Variants in SCN4A observed in about 807,000 individuals in gnomAD.
SCN4A encodes sodium channel protein type 4 subunit alpha.
Under a neutral mutation model 162.0 loss-of-function variants are expected in SCN4A, and 83 were observed. The observed-to-expected ratio is 0.51, with a 90% CI of 0.43 to 0.61. The LOEUF is 0.61. SCN4A is among the 20% of genes least tolerant of loss of function. The pLI is 0.00. For synonymous variants in SCN4A, 944 were observed against 985.1 expected, an observed-to-expected ratio of 0.96 and a Z score of 0.78; for missense variants, 2,196 against 2,462.5, an observed-to-expected ratio of 0.89 and a Z score of 2.29.
chr17:63,968,067 G>A lies in SCN4A; in HGVS notation c.992C>T (p.Ala331Val), dbSNP rs368831487. 7.4e-6 allele frequency: 12 copies of A among 1,613,858 alleles called. No homozygotes were observed. Among genetic ancestry groups the A allele is most frequent in the Non-Finnish European group, 1.0e-5 (12 of 1,179,904 alleles). Residue 331 changes from alanine to valine, a missense_variant, in exon 6 of 24, where the codon GCC becomes GTC. Transcript: ENST00000435607. ...NDTWNSHASW[A>V]TNDTFDWDAY... is the part of the protein sequence containing the mutation. Reference sequence around the variant, plus strand: ...GTCCCAATCAAAGGTATCGTTGGTGGCCCAGCTTGCATGGCTGTTCCACGT... The same window carrying A: ...GTCCCAATCAAAGGTATCGTTGGTGACCCAGCTTGCATGGCTGTTCCACGT...
rs538941318 is a variant in SCN4A, at chr17:63,944,100, T to C, written c.3913-250A>G. ...TGGCTACTTTTCATCAACATCTCGC[T>C]GAGCCCTAGAGTAACCCACAAGGCA... On this transcript the variant is annotated intron_variant, in intron 21 of 23. Coordinates refer to ENST00000435607, the MANE Select transcript of SCN4A (RefSeq NM_000334.4). This position sits in a 1 kb window ranked among gnomAD's most constrained non-coding sequence, Gnocchi z 4.3. 6.6e-6 allele frequency among the ~76,000 whole-genome samples: 1 copy of C among 152,220 alleles called. No individual in the cohort carries two copies. The highest frequency in any genetic ancestry group is 2.1e-4 in the South Asian group (1 of 4,826).
At chr17:63,960,666 A>G (rs1368848342) in intron 11 of SCN4A, among the ~76,000 whole-genome samples, 1 of 152,136 alleles carries the variant, frequency 6.6e-6, no homozygotes, top group Admixed American at 6.5e-5. Context: ...GGTGTCAACA[A>G]TAGTGGAGCA....
At chr17:63,959,823 A>G (rs1446903887) in intron 11 of SCN4A, among the ~76,000 whole-genome samples, 2 of 152,184 alleles carry the variant, frequency 1.3e-5, no homozygotes, top group Non-Finnish European at 2.9e-5. Context: ...TCTCACATGC[A>G]TTCCACACAT....
intron 6 of SCN4A, 28 bp downstream of exon 6, chr17:63,967,990 ATCCCC>A: frequency 6.4e-7 from 1 of 1,567,050 alleles, no homozygotes; most frequent in Non-Finnish European, 8.8e-7. Flanking sequence ...CTGGGACAGG[ATCCCC>A]CTTGCCCGTC....
At position 63,951,732 on chromosome 17, in the gene SCN4A, G is replaced by A. The variant is rs1370036925; in HGVS notation, c.2545C>T (p.Leu849=). Residue 849 remains leucine, a synonymous_variant, in exon 14 of 24, where the codon CTG becomes TTG. Transcript: ENST00000435607. The surrounding 1 kb of genome is among the most constrained non-coding windows in gnomAD (Gnocchi z 4.5). ...CTGAGCATGATGTCCTTGGGGCTCA[G>A]GATCTTGCCATGCAGCAGCCCCAGG... The part of the protein sequence containing the change: ...FLLGLLHGKI[L]SPKDIMLSLG... The A allele has an allele frequency of 6.3e-7, 1 of 1,592,078 alleles. No homozygotes were observed. The highest frequency in any genetic ancestry group is 8.6e-7 in the Non-Finnish European group (1 of 1,169,144).
At position 63,951,210 on chromosome 17, in the gene SCN4A, TA is replaced by T. The variant is rs1471136854; in HGVS notation, c.2853+213del. Among the ~76,000 whole-genome samples, 1 of 152,186 alleles carries T rather than the reference TA, an allele frequency of 6.6e-6. No homozygotes were observed. Among genetic ancestry groups the T allele is most frequent in the Non-Finnish European group, 1.5e-5 (1 of 68,034 alleles). On this transcript the variant is annotated intron_variant, in intron 14 of 23. Coordinates refer to ENST00000435607, the MANE Select transcript of SCN4A (RefSeq NM_000334.4). This position sits in a 1 kb window ranked among gnomAD's most constrained non-coding sequence, Gnocchi z 4.5. ...TCTGGACAGACAGGGTTGATCATAA[TA>T]ACCACATCAATAACGATAGTGACTG...
In SCN4A at chr17:63,961,282, T is replaced by C. The variant is rs763436613; in HGVS notation, c.1756A>G (p.Ile586Val). Reference protein sequence around the residue: ...MDPFVDLGITICIVLNTLFMA... With the variant: ...MDPFVDLGITVCIVLNTLFMA... ...AAGAGGGTGTTGAGCACGATGCAGA[T>C]GGTGATGCCCAGGTCCACGAACGGG... The change falls in exon 11 of 24, where the codon ATC (isoleucine) becomes GTC (valine). Residue 586 changes from isoleucine to valine, a missense_variant. By Grantham distance (29) the Ile-to-Val change is conservative. Coordinates refer to ENST00000435607, the MANE Select transcript of SCN4A (RefSeq NM_000334.4). 3 of 1,612,106 alleles carry C rather than the reference T, an allele frequency of 1.9e-6. No individual in the cohort carries two copies. Among genetic ancestry groups the C allele is most frequent in the East Asian group, 2.2e-5 (1 of 44,766 alleles).
At position 63,968,187 on chromosome 17, in the gene SCN4A, T is replaced by A. The variant is rs781129876; in HGVS notation, c.872A>T (p.Asn291Ile). ...CGTGTCATTGCTGTACCACGTGGTG[T>A]TGGTGTCGTTGAACGGCGGGGGCCA... ...VRWPPPFNDT[N>I]TTWYSNDTWY... Residue 291 changes from asparagine to isoleucine, a missense_variant, in exon 6 of 24, where the codon AAC (asparagine) becomes ATC (isoleucine). Asn to Ile is a moderately radical substitution (Grantham distance 149). Coordinates refer to ENST00000435607, the MANE Select transcript of SCN4A (RefSeq NM_000334.4). 6.2e-7 allele frequency: 1 copy of A among 1,613,982 alleles called. No homozygotes were observed. Among genetic ancestry groups the A allele is most frequent in the Non-Finnish European group, 8.5e-7 (1 of 1,179,890 alleles).
At position 63,968,044 on chromosome 17, in the gene SCN4A, C is replaced by T. The variant is rs760680437; in HGVS notation, c.1015G>A (p.Asp339Asn). 2.5e-6 allele frequency: 4 copies of T among 1,613,980 alleles called. No individual in the cohort carries two copies. The highest frequency in any genetic ancestry group is 1.1e-5 in the South Asian group (1 of 91,086). Residue 339 changes from aspartate to asparagine, a missense_variant, in exon 6 of 24, where the codon GAC becomes AAC. Coordinates refer to ENST00000435607, the MANE Select transcript of SCN4A (RefSeq NM_000334.4). ...TTACCTTCATCACTGATGTAGGCGT[C>T]CCAATCAAAGGTATCGTTGGTGGCC... Reference protein sequence around the residue: ...SWATNDTFDWDAYISDEGNFY... With the variant: ...SWATNDTFDWNAYISDEGNFY...
chr17:63,941,466 C>T lies in SCN4A; in HGVS notation c.4816G>A (p.Glu1606Lys), dbSNP rs1170400020. The change falls in exon 24 of 24, where the codon GAG becomes AAG. Residue 1606 changes from glutamate (E) to lysine (K), a missense_variant. Physicochemically the swap from Glu to Lys is moderately conservative, Grantham distance 56. Transcript: ENST00000435607. The surrounding 1 kb of genome is among the most constrained non-coding windows in gnomAD (Gnocchi z 6.2). ...IILENFNVAT[E>K]ESSEPLGEDD... ...TCACCAAGGGGCTCGCTGCTCTCCT[C>T]TGTGGCCACATTGAAGTTCTCCAGG... is the stretch of plus-strand genomic sequence containing the variant. 1.9e-6 allele frequency: 3 copies of T among 1,614,072 alleles called. No homozygotes were observed. The highest frequency in any genetic ancestry group is 2.5e-6 in the Non-Finnish European group (3 of 1,180,048).
At chr17:63,963,940 C>A in intron 9 of SCN4A, 115 bp from the exon 10 acceptor site, 2 of 1,060,394 alleles carry the variant, frequency 1.9e-6, no homozygotes, top group Non-Finnish European at 2.7e-6. Context: ...CTCTTCCTGG[C>A]CTGTGTCAAA....
Position 63,941,154 on chromosome 17 carries a change from G to T in SCN4A, c.5128C>A (p.Pro1710Thr), listed in dbSNP as rs762735966. The T allele has an allele frequency of 6.2e-7, 1 of 1,613,770 alleles. No homozygotes were observed. The highest frequency in any genetic ancestry group is 8.5e-7 in the Non-Finnish European group (1 of 1,179,868). ...ATGGGCTCGTAGGACACCTTGGAGG[G>T]GTTGGCTGCCATGAACTTCTCCTCC... ...TMEEKFMAAN[P>T]SKVSYEPITT... The change falls in exon 24 of 24, where the codon CCC becomes ACC. Residue 1710 changes from proline (P) to threonine (T), a missense_variant. Coordinates refer to ENST00000435607, the MANE Select transcript of SCN4A (RefSeq NM_000334.4). The surrounding 1 kb of genome is among the most constrained non-coding windows in gnomAD (Gnocchi z 6.2).
intron 13 of SCN4A, among the ~76,000 whole-genome samples, chr17:63,956,134 TG>T (rs1370645762): frequency 1.3e-5 from 2 of 152,258 alleles, no homozygotes; most frequent in African/African-American, 4.8e-5. Flanking sequence ...TCTCACCTCC[TG>T]GCCCCTTCCT....
chr17:63,967,380 T>C (rs1242232881), intron 6 of SCN4A, among the ~76,000 whole-genome samples: 1 of 152,028 alleles, frequency 6.6e-6, no homozygotes, highest in African/African-American at 2.4e-5. Flanking sequence ...CTGGAACTCC[T>C]GACCTCAGGT....
In SCN4A at chr17:63,944,650, C is replaced by T. The variant is rs372459101; in HGVS notation, c.3912+23G>A. The T allele has an allele frequency of 6.4e-5, 101 of 1,583,896 alleles. No individual in the cohort carries two copies. The highest frequency in any genetic ancestry group is 9.2e-5 in the South Asian group (8 of 86,976). Reference sequence around the variant, plus strand: ...AGGGAGGCCCAGCACCGGGAGGGCCCGAGGGGCTGGGCTGATACTCATCTT... The same window carrying T: ...AGGGAGGCCCAGCACCGGGAGGGCCTGAGGGGCTGGGCTGATACTCATCTT... On this transcript the variant is annotated intron_variant, in intron 21 of 23. Coordinates refer to ENST00000435607, the MANE Select transcript of SCN4A (RefSeq NM_000334.4). The surrounding 1 kb of genome is among the most constrained non-coding windows in gnomAD (Gnocchi z 4.3).
chr17:63,948,228 G>A (rs911477747), intron 16 of SCN4A, among the ~76,000 whole-genome samples, 165 bp from the exon 17 acceptor site: 1 of 152,144 alleles, frequency 6.6e-6, no homozygotes, highest in Non-Finnish European at 1.5e-5. Flanking sequence ...CCATCATGGG[G>A]ATGAGAGCGT....
rs368811155 is a variant in SCN4A, at chr17:63,959,382, G to C, written c.1902C>G (p.Pro634=). Residue 634 remains proline (P), a synonymous_variant, in exon 12 of 24, where the codon CCC becomes CCG. Coordinates refer to ENST00000435607, the MANE Select transcript of SCN4A (RefSeq NM_000334.4). The part of the protein sequence containing the change: ...EMVLKLIAMD[P]YEYFQQGWNI... ...TCCAACCCTGCTGGAAATACTCGTA[G>C]GGGTCCATGGCAATCAGCTTCAGAA... The C allele has an allele frequency of 6.2e-7, 1 of 1,613,848 alleles. No homozygotes were observed. The highest frequency in any genetic ancestry group is 8.5e-7 in the Non-Finnish European group (1 of 1,179,862).
At position 63,941,795 on chromosome 17, in the gene SCN4A, T is replaced by C; in HGVS notation, c.4487A>G (p.Tyr1496Cys). Residue 1496 changes from tyrosine (Y) to cysteine (C), a missense_variant, in exon 24 of 24, where the codon TAC (tyrosine) becomes TGC (cysteine). Physicochemically the swap from Tyr to Cys is radical, Grantham distance 194. Transcript: ENST00000435607. This position sits in a 1 kb window ranked among gnomAD's most constrained non-coding sequence, Gnocchi z 6.2. ...GLLLFLVMFI[Y>C]SIFGMSNFAY... ...AAAGTTGGACATGCCGAAGATGGAG[T>C]AGATGAACATGACCAGGAAGAGGAG... is the stretch of plus-strand genomic sequence containing the variant. The C allele has an allele frequency of 6.2e-7, 1 of 1,613,576 alleles. No homozygotes were observed. The highest frequency in any genetic ancestry group is 8.5e-7 in the Non-Finnish European group (1 of 1,179,912).
intron 13 of SCN4A, among the ~76,000 whole-genome samples, chr17:63,956,001 A>G (rs2144791731): frequency 6.6e-6 from 1 of 152,312 alleles, no homozygotes; most frequent in East Asian, 1.9e-4. Context: ...TGGGCACAGC[A>G]CTGCAGGGCT....
Sources: gnomAD v4.1 joint callset for allele counts (sites outside exome capture counted in the v4.1 genomes callset) on GRCh38, gnomAD v4.1.1 for gene constraint, Gnocchi (gnomAD v3.1) non-coding constraint, MANE v1.5 for transcripts, NCBI Gene and HGNC (gene_info 2026-07-23, HGNC 2026-07-21) for gene names.